The following FBLN1 variants were observed in gnomAD, a reference collection of about 807,000 sequenced individuals.
FBLN1 encodes the protein fibulin-1.
In FBLN1, 34 loss-of-function variants were observed where a neutral mutation model predicts 89.7. The ratio of observed to expected loss-of-function variants is 0.38; its 90% CI spans 0.29 to 0.50. The LOEUF (loss-of-function observed/expected upper bound fraction) is 0.50, where lower values mean the gene tolerates loss of function less well. FBLN1 is among the 20% of genes least tolerant of loss of function. The pLI is 0.92. For missense variants in FBLN1, 777 were observed against 988.1 expected (o/e 0.79, Z 2.86); for synonymous variants, 393 against 391.3 (o/e 1.00, Z -0.05).
intron 4 of FBLN1, among the ~76,000 whole-genome samples, chr22:45,529,915 C>T (rs1448580074): frequency 1.3e-5 from 2 of 151,890 alleles, no homozygotes; most frequent in East Asian, 1.9e-4. Flanking sequence ...CCGGAAGGGG[C>T]GAAAGGGAAG....
chr22:45,584,765 G>C (rs1181132591), intron 16 of FBLN1, among the ~76,000 whole-genome samples: 4 of 152,194 alleles, frequency 2.6e-5, no homozygotes, highest in African/African-American at 9.7e-5. Flanking sequence ...AAGGATGATG[G>C]GACAGGGCCA....
Position 45,572,535 on chromosome 22 carries a change from C to T in FBLN1, c.1698-1976C>T, listed in dbSNP as rs1447921799. Among the ~76,000 whole-genome samples, 1 of 152,094 alleles carries T rather than the reference C, an allele frequency of 6.6e-6. No individual in the cohort carries two copies. Among genetic ancestry groups the T allele is most frequent in the African/African-American group, 2.4e-5 (1 of 41,344 alleles). The stretch of plus-strand genomic sequence containing the variant: ...ACAACCAAGTATTGATCTGCTATTT[C>T]CTGGTAATTAAATCACAAGAGCACA... On this transcript the variant is annotated intron_variant, in intron 14 of 16. Transcript: ENST00000327858. The surrounding 1 kb of genome is among the most constrained non-coding windows in gnomAD (Gnocchi z 5.8).
chr22:45,594,416 C>A (rs78131692), intron 16 of FBLN1, among the ~76,000 whole-genome samples: 4 of 152,202 alleles, frequency 2.6e-5, no homozygotes, highest in Non-Finnish European at 5.9e-5. Context: ...TTCCCAGAAC[C>A]GGCCTGAAAC....
chr22:45,553,260 G>A (rs1392493108), intron 14 of FBLN1, among the ~76,000 whole-genome samples: 3 of 152,230 alleles, frequency 2.0e-5, no homozygotes, highest in Non-Finnish European at 4.4e-5. Context: ...TTTCCATAGA[G>A]CTTGAGGTGT....
Position 45,532,941 on chromosome 22 carries a change from C to A in FBLN1, c.545-122C>A. The A allele has an allele frequency of 2.3e-6, 2 of 858,650 alleles. No individual in the cohort carries two copies. The highest frequency in any genetic ancestry group is 1.5e-5 in the South Asian group (1 of 68,572). 53.2% of individuals were successfully genotyped at this position (858,650 alleles called of 1,614,324 possible). On this transcript the variant is annotated intron_variant, in intron 5 of 16. Coordinates refer to ENST00000327858, the MANE Select transcript of FBLN1 (RefSeq NM_006486.3). The surrounding 1 kb of genome is among the most constrained non-coding windows in gnomAD (Gnocchi z 4.2). ...GGCAGCAGGTGGGCTCCAGCCAGGT[C>A]AGCCTGCCTTCCTGGGTTCGTCTGC...
intron 14 of FBLN1, among the ~76,000 whole-genome samples, chr22:45,573,286 C>T (rs1208074174): frequency 6.6e-6 from 1 of 151,920 alleles, no homozygotes; most frequent in Non-Finnish European, 1.5e-5. Context: ...AAACCTGTAG[C>T]TTAAAATGGA....
chr22:45,564,875 T>C, intron 14 of FBLN1: 1 of 1,613,760 alleles, frequency 6.2e-7, no homozygotes, highest in Non-Finnish European at 8.5e-7. Context: ...GTGCTGACAC[T>C]GTTTCCAGGC....
In FBLN1 at chr22:45,561,903, G is replaced by T. The variant is rs1037063574; in HGVS notation, c.1697+11288G>T. Among the ~76,000 whole-genome samples, 4 of 152,172 alleles carry T rather than the reference G, an allele frequency of 2.6e-5. No individual in the cohort carries two copies. The highest frequency in any genetic ancestry group is 9.7e-5 in the African/African-American group (4 of 41,430). On this transcript the variant is annotated intron_variant, in intron 14 of 16. Coordinates refer to ENST00000327858, the MANE Select transcript of FBLN1 (RefSeq NM_006486.3). The surrounding 1 kb of genome is among the most constrained non-coding windows in gnomAD (Gnocchi z 4.7). ...CACAGGAGAAAGATGTAGGCTGGGA[G>T]GCTAGGCCAGTCTCTCCTATCACAT...
chr22:45,593,427 G>GA (rs774155837), intron 16 of FBLN1, among the ~76,000 whole-genome samples: 1 of 152,058 alleles, frequency 6.6e-6, no homozygotes, highest in African/African-American at 2.4e-5. Flanking sequence ...TCAACAGGGA[G>GA]AAAAAAAGTG....
chr22:45,577,215 G>GC lies in FBLN1; in HGVS notation c.1972+110dup. 7.5e-7 allele frequency: 1 copy of GC among 1,339,360 alleles called. No individual in the cohort carries two copies. Among genetic ancestry groups the GC allele is most frequent in the Non-Finnish European group, 1.0e-6 (1 of 954,458 alleles). The allele number at this position is 1,339,360 out of a possible 1,614,324, so 83.0% of individuals were successfully genotyped here. ...ATCTGAGTCCCCTCCCCAAATTCAA[G>GC]CCCACCCAACCTTCAGGGCCCAGCG... On this transcript the variant is annotated intron_variant, in intron 16 of 16. Coordinates refer to ENST00000327858, the MANE Select transcript of FBLN1 (RefSeq NM_006486.3). This position sits in a 1 kb window ranked among gnomAD's most constrained non-coding sequence, Gnocchi z 6.6.
At chr22:45,553,006 G>C (rs1335726391) in intron 14 of FBLN1, among the ~76,000 whole-genome samples, 2 of 152,252 alleles carry the variant, frequency 1.3e-5, no homozygotes, top group South Asian at 4.1e-4. Context: ...GATGGGACAC[G>C]AGTGAACAGC....
intron 1 of FBLN1, among the ~76,000 whole-genome samples, chr22:45,515,105 A>G (rs1602163805): frequency 6.6e-6 from 1 of 152,316 alleles, no homozygotes; most frequent in African/African-American, 2.4e-5. Flanking sequence ...TTGAGGAGTG[A>G]GAGCCGGTGA....
intron 1 of FBLN1, among the ~76,000 whole-genome samples, chr22:45,510,136 A>G (rs2088079513): frequency 6.6e-6 from 1 of 152,114 alleles, no homozygotes; most frequent in African/African-American, 2.4e-5. Flanking sequence ...TTAAAATAAA[A>G]AACAGACACC....
chr22:45,527,929 A>G lies in FBLN1; in HGVS notation c.404A>G (p.Gln135Arg). Residue 135 changes from glutamine to arginine, a missense_variant, in exon 4 of 17, where the codon CAG (glutamine) becomes CGG (arginine). Physicochemically the swap from Gln to Arg is conservative, Grantham distance 43. Coordinates refer to ENST00000327858, the MANE Select transcript of FBLN1 (RefSeq NM_006486.3). Reference sequence around the variant, plus strand: ...GAGTACAGCCTCATGGTTGGCTACCAGTGTGGACAGGTCTTCCAGGCATGC... The same window carrying G: ...GAGTACAGCCTCATGGTTGGCTACCGGTGTGGACAGGTCTTCCAGGCATGC... Reference protein sequence around the residue: ...SCEYSLMVGYQCGQVFQACCV... With the variant: ...SCEYSLMVGYRCGQVFQACCV... 6.2e-7 allele frequency: 1 copy of G among 1,614,156 alleles called. No individual in the cohort carries two copies. Among genetic ancestry groups the G allele is most frequent in the Non-Finnish European group, 8.5e-7 (1 of 1,180,024 alleles).
In FBLN1 at chr22:45,557,177, A is replaced by C. The variant is rs134817; in HGVS notation, c.1697+6562A>C. ...GAGCCCACTGCCACACCTCTTTAGCAGTAAAGTGAGTGCTTTGGTCAGAGG... is the reference window on the plus strand; with the variant it reads ...GAGCCCACTGCCACACCTCTTTAGCCGTAAAGTGAGTGCTTTGGTCAGAGG... On this transcript the variant is annotated intron_variant, in intron 14 of 16. Transcript: ENST00000327858. This position sits in a 1 kb window ranked among gnomAD's most constrained non-coding sequence, Gnocchi z 4.9. Among the ~76,000 whole-genome samples, 145,584 of 152,260 alleles carry C rather than the reference A, an allele frequency of 0.96. 69,656 individuals carry two copies. The highest frequency in any genetic ancestry group is 0.99 in the South Asian group (4,762 of 4,816).
rs998465693 is a variant in FBLN1 at position 45,562,002 on chromosome 22, G to T, written c.1697+11387G>T. On this transcript the variant is annotated intron_variant, in intron 14 of 16. Transcript: ENST00000327858. The surrounding 1 kb of genome is among the most constrained non-coding windows in gnomAD (Gnocchi z 7.8). ...GCCCACCCAGATTAAGGGTGGGTCTGCCTTTCCCAGCCCACTGACTCAAAT... is the reference window on the plus strand; with the variant it reads ...GCCCACCCAGATTAAGGGTGGGTCTTCCTTTCCCAGCCCACTGACTCAAAT... Among the ~76,000 whole-genome samples the T allele has an allele frequency of 6.6e-6, 1 of 152,190 alleles. No homozygotes were observed. Among genetic ancestry groups the T allele is most frequent in the Non-Finnish European group, 1.5e-5 (1 of 68,032 alleles).
In FBLN1 at chr22:45,540,570, CT is replaced by C. The variant is rs1233337136; in HGVS notation, c.923-655del. The stretch of plus-strand genomic sequence containing the variant: ...AAGGTGATGTTTAGATGCTTAGGTC[CT>C]TTTCCACTCCCTCTATCAGGAAGTG... On this transcript the variant is annotated intron_variant, in intron 8 of 16. Coordinates refer to ENST00000327858, the MANE Select transcript of FBLN1 (RefSeq NM_006486.3). Among the ~76,000 whole-genome samples, 7 of 152,196 alleles carry C rather than the reference CT, an allele frequency of 4.6e-5. No individual in the cohort carries two copies. The South Asian group carries it at 8.3e-4, about 18-fold the overall frequency.
At position 45,543,414 on chromosome 22, in the gene FBLN1, C is replaced by T. The variant is rs140586412; in HGVS notation, c.1209C>T (p.Cys403=). 4,802 of 1,613,046 alleles carry T rather than the reference C, an allele frequency of 3.0e-3. 17 individuals are homozygous for T. Among genetic ancestry groups the T allele is most frequent in the South Asian group, 3.8e-3 (345 of 91,054 alleles). The change falls in exon 11 of 17, where the codon TGC becomes TGT. Residue 403 remains cysteine, a synonymous_variant. Coordinates refer to ENST00000327858, the MANE Select transcript of FBLN1 (RefSeq NM_006486.3). ...ISRMCVDVNE[C]QRYPGRLCGH... ...CCTCACTTTCAGATGTCAACGAGTG[C>T]CAGCGCTACCCCGGGCGCCTGTGTG...
intron 14 of FBLN1, among the ~76,000 whole-genome samples, chr22:45,571,287 A>T (rs2147023590): frequency 6.6e-6 from 1 of 152,346 alleles, no homozygotes; most frequent in African/African-American, 2.4e-5. Context: ...GACTCTCAAG[A>T]AAAGTTAAGC....
Sources: allele counts gnomAD v4.1 joint callset (sites outside exome capture counted in the v4.1 genomes callset), GRCh38; gene constraint gnomAD v4.1.1; non-coding constraint Gnocchi (gnomAD v3.1); transcripts MANE v1.5; gene names NCBI Gene and HGNC (gene_info 2026-07-23, HGNC 2026-07-21).